The following EDARADD variants were observed in gnomAD, a reference collection of about 807,000 sequenced individuals.
EDARADD encodes EDAR associated via death domain, also known as ectodysplasin-A receptor-associated adapter protein.
A neutral mutation model predicts 25.6 loss-of-function variants in EDARADD; 20 were observed. That is an observed-to-expected ratio of 0.78 (90% CI 0.55 to 1.14). The LOEUF is 1.14. Ranked by LOEUF, EDARADD falls within the 50% of genes most tolerant of loss-of-function variation. The pLI, the probability that EDARADD is intolerant of heterozygous loss-of-function variation, is 0.00. For synonymous variants in EDARADD, 86 were observed against 94.4 expected (o/e 0.91, Z 0.52); for missense variants, 225 against 270.1 (o/e 0.83, Z 1.17).
chr1:236,385,089 CTT>C (rs34509027), intron 3 of EDARADD, among the ~76,000 whole-genome samples: 58 of 121,964 alleles, frequency 4.8e-4, no homozygotes, highest in Non-Finnish European at 6.1e-4. Flanking sequence ...CCTTTTGATT[CTT>C]TTTTTTTTTT....
chr1:236,463,601 A>T (rs1407585183), intron 4 of EDARADD, among the ~76,000 whole-genome samples: 1 of 152,094 alleles, frequency 6.6e-6, no homozygotes, highest in Admixed American at 6.5e-5. Context: ...CATTTTAACC[A>T]CTTTTAAGTG....
chr1:236,479,200 A>C (rs920767754), intron 5 of EDARADD, among the ~76,000 whole-genome samples: 1 of 152,124 alleles, frequency 6.6e-6, no homozygotes, highest in Non-Finnish European at 1.5e-5. Flanking sequence ...ACCCTGGAAA[A>C]AAAATTTCTC....
chr1:236,434,109 C>A (rs1658178178), intron 4 of EDARADD, among the ~76,000 whole-genome samples: 1 of 152,190 alleles, frequency 6.6e-6, no homozygotes, highest in South Asian at 2.1e-4. Context: ...GGAGCCAGAA[C>A]CCTCCCAGTA....
At chr1:236,369,026 C>G (rs1667144261) in intron 3 of EDARADD, among the ~76,000 whole-genome samples, 1 of 151,864 alleles carries the variant, frequency 6.6e-6, no homozygotes, top group African/African-American at 2.4e-5. Context: ...AACTCCTGAG[C>G]CAAGTGATCT....
In EDARADD at chr1:236,483,918, T is replaced by G. The variant is rs1659756852; in HGVS notation, c.*1269T>G. 1 of 1,379,062 alleles carries G rather than the reference T, an allele frequency of 7.3e-7. No individual in the cohort carries two copies. The highest frequency in any genetic ancestry group is 1.2e-5 in the South Asian group (1 of 86,060). The allele number at this position is 1,379,062 out of a possible 1,614,324, so 85.4% of individuals were successfully genotyped here. A position where few individuals can be genotyped will look rare whatever the true frequency, so the allele number is the denominator to read the frequency against. On this transcript the variant is annotated 3_prime_UTR_variant, in exon 6 of 6. Coordinates refer to ENST00000334232, the MANE Select transcript of EDARADD (RefSeq NM_145861.4). Reference sequence around the variant, plus strand: ...CATGGACGTAGAGGCCTCCGAGTTCTTCAGGTCTGGAAAGTATGACCTGGA... The same window carrying G: ...CATGGACGTAGAGGCCTCCGAGTTCGTCAGGTCTGGAAAGTATGACCTGGA...
At chr1:236,414,767 G>A (rs1239844372) in intron 3 of EDARADD, among the ~76,000 whole-genome samples, 1 of 152,154 alleles carries the variant, frequency 6.6e-6, no homozygotes, top group Non-Finnish European at 1.5e-5. Context: ...CAGCTACTAA[G>A]GAGGCTGAGG....
In EDARADD at chr1:236,483,454, T is replaced by C. The variant is rs1659739796; in HGVS notation, c.*805T>C. ...AAGATTGACAAACTTATGATAGAGA[T>C]GGATGGAACAGAAAATAAATCTAAA... is the stretch of plus-strand genomic sequence containing the variant. On this transcript the variant is annotated 3_prime_UTR_variant, in exon 6 of 6. Transcript: ENST00000334232. 7.7e-6 allele frequency: 8 copies of C among 1,040,428 alleles called. No homozygotes were observed. The highest frequency in any genetic ancestry group is 1.3e-5 in the South Asian group (1 of 79,676). The allele number at this position is 1,040,428 out of a possible 1,614,324, so 64.4% of individuals were successfully genotyped here. A position where few individuals can be genotyped will look rare whatever the true frequency, so the allele number is the denominator to read the frequency against.
intron 4 of EDARADD, among the ~76,000 whole-genome samples, chr1:236,458,225 G>A (rs949270093): frequency 5.3e-5 from 8 of 152,318 alleles, no homozygotes; most frequent in Admixed American, 3.3e-4. Flanking sequence ...TTCACAGTGC[G>A]GCATTCAAAA....
intron 3 of EDARADD, among the ~76,000 whole-genome samples, chr1:236,369,482 AG>A (rs532103689): frequency 9.0e-4 from 137 of 152,306 alleles, no homozygotes; most frequent in African/African-American, 3.1e-3. Flanking sequence ...TGTTCCAGGA[AG>A]CCGTCTAAGA....
Position 236,421,005 on chromosome 1 carries a change from A to T in EDARADD, c.161-6387A>T, listed in dbSNP as rs1173119777. On this transcript the variant is annotated intron_variant, in intron 3 of 5. Transcript: ENST00000334232. Reference sequence around the variant, plus strand: ...TGTCTCGGCCTCCCAAAGTGCTGGGATTACAGGTGTGAGCCACTGTGCCCT... The same window carrying T: ...TGTCTCGGCCTCCCAAAGTGCTGGGTTTACAGGTGTGAGCCACTGTGCCCT... Among the ~76,000 whole-genome samples the T allele has an allele frequency of 5.7e-5, 8 of 141,304 alleles. 2 individuals are homozygous for T. The highest frequency in any genetic ancestry group is 2.5e-4 in the South Asian group (1 of 4,068). 92.7% of individuals were successfully genotyped at this position (141,304 alleles called of 152,430 possible).
intron 2 of EDARADD, among the ~76,000 whole-genome samples, chr1:236,350,274 G>A (rs1666901740): frequency 6.6e-6 from 1 of 152,324 alleles, no homozygotes; most frequent in Non-Finnish European, 1.5e-5. Context: ...GCCAGGGTCA[G>A]ATTGGAAAGT....
intron 2 of EDARADD, among the ~76,000 whole-genome samples, chr1:236,349,483 TAC>T (rs1287545748): frequency 6.7e-6 from 1 of 148,426 alleles, no homozygotes; most frequent in Admixed American, 6.8e-5. Context: ...ATCAATCAAA[TAC>T]ATTTAAGAAA....
chr1:236,467,426 G>GCGCA (rs769138940), intron 4 of EDARADD, among the ~76,000 whole-genome samples: 188 of 139,030 alleles, frequency 1.4e-3, no homozygotes, highest in Non-Finnish European at 2.1e-3. Flanking sequence ...ACACACACGC[G>GCGCA]CACACACACA....
intron 4 of EDARADD, among the ~76,000 whole-genome samples, chr1:236,466,532 G>A (rs983807960): frequency 6.6e-6 from 1 of 152,042 alleles, no homozygotes; most frequent in Non-Finnish European, 1.5e-5. Flanking sequence ...AAAAGAAATT[G>A]TATGAATTAT....
chr1:236,464,763 T>G (rs1659142547), intron 4 of EDARADD, among the ~76,000 whole-genome samples: 2 of 152,130 alleles, frequency 1.3e-5, no homozygotes, highest in Admixed American at 6.6e-5. Flanking sequence ...CTGCTCCCCC[T>G]GCTTTTCTTC....
At chr1:236,437,182 A>C (rs1322236009) in intron 4 of EDARADD, among the ~76,000 whole-genome samples, 1 of 152,348 alleles carries the variant, frequency 6.6e-6, no homozygotes, top group East Asian at 1.9e-4. Context: ...GAAGCTCAGC[A>C]CATATCCCTA....
intron 4 of EDARADD, among the ~76,000 whole-genome samples, chr1:236,448,173 C>T (rs574883855): frequency 6.6e-6 from 1 of 152,332 alleles, no homozygotes; most frequent in East Asian, 1.9e-4. Context: ...TGCCTGGGCC[C>T]CTGCCCCAGA....
At chr1:236,418,842 C>T (rs1657708533) in intron 3 of EDARADD, among the ~76,000 whole-genome samples, 1 of 152,148 alleles carries the variant, frequency 6.6e-6, no homozygotes, top group Non-Finnish European at 1.5e-5. Flanking sequence ...ACTCCTCATC[C>T]TCCCACCTGT....
intron 4 of EDARADD, among the ~76,000 whole-genome samples, chr1:236,460,191 T>TC (rs1336987696): frequency 1.3e-5 from 2 of 150,684 alleles, no homozygotes; most frequent in South Asian, 2.1e-4. Context: ...TCTTTTCTTT[T>TC]TTTTTTTTTT....
Sources: allele counts gnomAD v4.1 joint callset (sites outside exome capture counted in the v4.1 genomes callset), GRCh38; gene constraint gnomAD v4.1.1; transcripts MANE v1.5; gene names NCBI Gene and HGNC (gene_info 2026-07-23, HGNC 2026-07-21).